The following OSBPL3 variants were observed in gnomAD, a reference collection of about 807,000 sequenced individuals.
The protein encoded by OSBPL3 is oxysterol binding protein like 3.
A neutral mutation model predicts 120.1 loss-of-function variants in OSBPL3; 65 were observed. That is an observed-to-expected ratio of 0.54 (90% CI 0.44 to 0.67). The LOEUF is 0.67. Ranked by LOEUF, OSBPL3 falls within the 30% of genes least tolerant of loss-of-function variation. OSBPL3 has a pLI of 0.00. For missense variants in OSBPL3, 1,004 were observed against 1,082.1 expected, an observed-to-expected ratio of 0.93 and a Z score of 1.01; for synonymous variants, 416 against 402.6, an observed-to-expected ratio of 1.03 and a Z score of -0.40.
In OSBPL3 at chr7:24,817,581, G is replaced by A. The variant is rs1463250796; in HGVS notation, c.1949-893C>T. Among the ~76,000 whole-genome samples the A allele has an allele frequency of 6.6e-6, 1 of 152,168 alleles. No homozygotes were observed. The highest frequency in any genetic ancestry group is 1.5e-5 in the Non-Finnish European group (1 of 68,020). On this transcript the variant is annotated intron_variant, in intron 17 of 22. Coordinates refer to ENST00000313367, the MANE Select transcript of OSBPL3 (RefSeq NM_015550.4). This position sits in a 1 kb window ranked among gnomAD's most constrained non-coding sequence, Gnocchi z 4.0. The stretch of plus-strand genomic sequence containing the variant: ...GCTAAGAGTCTGGTTTGTGTGCACT[G>A]AGTGGAAATAATCAGGCCACTGATG...
In OSBPL3 at chr7:24,936,449, C is replaced by A. The variant is rs1036794292; in HGVS notation, c.-150+43437G>T. Among the ~76,000 whole-genome samples the A allele has an allele frequency of 1.3e-5, 2 of 152,206 alleles. No individual in the cohort carries two copies. The highest frequency in any genetic ancestry group is 4.8e-5 in the African/African-American group (2 of 41,450). ...ACAAGGTCAAAACTGCAATGCAATA[C>A]AATGGGCCAAGTTCTTAACACCACC... On this transcript the variant is annotated intron_variant, in intron 1 of 22. Transcript: ENST00000313367. This position sits in a 1 kb window ranked among gnomAD's most constrained non-coding sequence, Gnocchi z 4.2.
chr7:24,848,734 G>A (rs1584361500), intron 12 of OSBPL3, among the ~76,000 whole-genome samples: 1 of 152,024 alleles, frequency 6.6e-6, no homozygotes, highest in African/African-American at 2.4e-5. Context: ...GGTTTCTTCA[G>A]TAGTAACAAG....
Position 24,872,020 on chromosome 7 carries a change from TG to T in OSBPL3, c.145del (p.Gln49ArgfsTer11). 6.2e-7 allele frequency: 1 copy of T among 1,614,096 alleles called. No individual in the cohort carries two copies. The highest frequency in any genetic ancestry group is 8.5e-7 in the Non-Finnish European group (1 of 1,179,960). Reference sequence around the variant, plus strand: ...AAATCCTTTCTGAACTGGTGGCTCCTGGGTGTAATTCATCTCCCCCCTCAGT... The same window carrying T: ...AAATCCTTTCTGAACTGGTGGCTCCTGGTGTAATTCATCTCCCCCCTCAGT... Reference protein sequence around the residue: ...EGLRGEMNYTQEPPVQKGFLL... With the variant: ...EGLRGEMNYTXEPPVQKGFLL... On this transcript the variant is annotated frameshift_variant, in exon 3 of 23. Transcript: ENST00000313367. LOFTEE classifies it high-confidence loss of function. This position sits in a 1 kb window ranked among gnomAD's most constrained non-coding sequence, Gnocchi z 4.1.
chr7:24,917,427 T>TA (rs1562924912), intron 1 of OSBPL3, among the ~76,000 whole-genome samples: 6,211 of 130,820 alleles, frequency 0.047, 301 homozygotes, highest in South Asian at 0.1. Flanking sequence ...TATATATATA[T>TA]TTGTAACATA....
rs905210707 is a variant in OSBPL3, at chr7:24,883,887, T to C, written c.96+8490A>G. 6.6e-6 allele frequency among the ~76,000 whole-genome samples: 1 copy of C among 152,284 alleles called. No individual in the cohort carries two copies. The highest frequency in any genetic ancestry group is 6.5e-5 in the Admixed American group (1 of 15,300). On this transcript the variant is annotated intron_variant, in intron 2 of 22. Coordinates refer to ENST00000313367, the MANE Select transcript of OSBPL3 (RefSeq NM_015550.4). The surrounding 1 kb of genome is among the most constrained non-coding windows in gnomAD (Gnocchi z 5.4). Reference sequence around the variant, plus strand: ...ATAAGACTTACTCAGAGTGGAAATATATTGAGAGCTCAGTCTTATTTCTTC... The same window carrying C: ...ATAAGACTTACTCAGAGTGGAAATACATTGAGAGCTCAGTCTTATTTCTTC...
chr7:24,951,526 G>T (rs749715679), intron 1 of OSBPL3, among the ~76,000 whole-genome samples: 2 of 152,056 alleles, frequency 1.3e-5, no homozygotes, highest in South Asian at 4.2e-4. Context: ...AAAGAAATCT[G>T]GTTTACAAAA....
chr7:24,874,246 G>A lies in OSBPL3; in HGVS notation c.97-2177C>T, dbSNP rs555162203. ...ACCCACAATTGTGAAAGAAGAGGGT[G>A]TGGGTATCGTCATTGTTAAATAAAA... On this transcript the variant is annotated intron_variant, in intron 2 of 22. Coordinates refer to ENST00000313367, the MANE Select transcript of OSBPL3 (RefSeq NM_015550.4). 3.8e-4 allele frequency among the ~76,000 whole-genome samples: 58 copies of A among 152,340 alleles called. 1 individual carries two copies. The highest frequency in any genetic ancestry group is 3.4e-4 in the Non-Finnish European group (23 of 68,028).
chr7:24,805,336 T>C lies in OSBPL3; in HGVS notation c.2445-899A>G, dbSNP rs1291204325. Among the ~76,000 whole-genome samples the C allele has an allele frequency of 6.6e-6, 1 of 152,230 alleles. No individual in the cohort carries two copies. Among genetic ancestry groups the C allele is most frequent in the African/African-American group, 2.4e-5 (1 of 41,464 alleles). On this transcript the variant is annotated intron_variant, in intron 21 of 22. Coordinates refer to ENST00000313367, the MANE Select transcript of OSBPL3 (RefSeq NM_015550.4). This position sits in a 1 kb window ranked among gnomAD's most constrained non-coding sequence, Gnocchi z 4.0. The stretch of plus-strand genomic sequence containing the variant: ...GCATTTTTCTTATTATGATTAAGGC[T>C]GAGCATCTTTTCACATGCTTAAGGG...
intron 12 of OSBPL3, among the ~76,000 whole-genome samples, chr7:24,845,660 A>AG (rs1798361368): frequency 1.3e-5 from 2 of 151,514 alleles, no homozygotes; most frequent in African/African-American, 4.8e-5. Flanking sequence ...TTTTCCTAAA[A>AG]AAAAAAAAAA....
chr7:24,872,448 A>AGAGTGTGTGTGT lies in OSBPL3; in HGVS notation c.97-380_97-379insACACACACACTC, dbSNP rs912921078. Among the ~76,000 whole-genome samples the AGAGTGTGTGTGT allele has an allele frequency of 2.1e-5, 3 of 144,986 alleles. No homozygotes were observed. The highest frequency in any genetic ancestry group is 2.0e-4 in the East Asian group (1 of 5,066). ...TCAGTCTGAATTTTAACCGAAAGAG[A>AGAGTGTGTGTGT]GTGTGTGTGTGTGTGTGTGTGTGTG... On this transcript the variant is annotated intron_variant, in intron 2 of 22. Coordinates refer to ENST00000313367, the MANE Select transcript of OSBPL3 (RefSeq NM_015550.4). The surrounding 1 kb of genome is among the most constrained non-coding windows in gnomAD (Gnocchi z 4.1).
In OSBPL3 at chr7:24,870,731, C is replaced by G; in HGVS notation, c.381+1G>C. On this transcript the variant is annotated splice_donor_variant, in intron 5 of 22. Transcript: ENST00000313367. LOFTEE classifies it high-confidence loss of function. ...CTCTGCACAGTGGGAAGCAGCCTCA[C>G]CTTCAGATGGTAGATGTGCTCCTCG... 1 of 1,576,902 alleles carries G rather than the reference C, an allele frequency of 6.3e-7. No homozygotes were observed. Among genetic ancestry groups the G allele is most frequent in the Non-Finnish European group, 8.7e-7 (1 of 1,145,930 alleles).
At position 24,939,492 on chromosome 7, in the gene OSBPL3, G is replaced by A. The variant is rs1812829549; in HGVS notation, c.-150+40394C>T. Among the ~76,000 whole-genome samples, 2 of 152,140 alleles carry A rather than the reference G, an allele frequency of 1.3e-5. No individual in the cohort carries two copies. The highest frequency in any genetic ancestry group is 2.1e-4 in the South Asian group (1 of 4,822). ...CAATCCTGGCCAATGGAACTCTAGG[G>A]AAAGTTTGGGAAACAAAAAGTTAAC... On this transcript the variant is annotated intron_variant, in intron 1 of 22. Coordinates refer to ENST00000313367, the MANE Select transcript of OSBPL3 (RefSeq NM_015550.4). The surrounding 1 kb of genome is among the most constrained non-coding windows in gnomAD (Gnocchi z 4.2).
intron 11 of OSBPL3, among the ~76,000 whole-genome samples, chr7:24,850,247 A>G (rs536851340): frequency 7.9e-5 from 12 of 152,236 alleles, no homozygotes; most frequent in African/African-American, 2.9e-4. Context: ...AACTAGGAGG[A>G]AAGTGGCTGA....
At chr7:24,885,951 T>A (rs55762207) in intron 2 of OSBPL3, among the ~76,000 whole-genome samples, 5,340 of 152,238 alleles carry the variant, frequency 0.035, 120 homozygotes, top group Non-Finnish European at 0.054. Flanking sequence ...AAGGGGGCAG[T>A]GGGAAAAAGA....
At chr7:24,927,863 T>C (rs1226897434) in intron 1 of OSBPL3, among the ~76,000 whole-genome samples, 2 of 152,208 alleles carry the variant, frequency 1.3e-5, no homozygotes, top group Non-Finnish European at 2.9e-5. Context: ...AGGTATAATT[T>C]ATATCCAATA....
chr7:24,978,997 A>G (rs894370207), intron 1 of OSBPL3, among the ~76,000 whole-genome samples: 2 of 152,216 alleles, frequency 1.3e-5, no homozygotes, highest in Non-Finnish European at 2.9e-5. Context: ...AGTGCCCATC[A>G]GCGACTCCAG....
Position 24,959,838 on chromosome 7 carries a change from A to C in OSBPL3, c.-150+20048T>G, listed in dbSNP as rs952699716. On this transcript the variant is annotated intron_variant, in intron 1 of 22. Coordinates refer to ENST00000313367, the MANE Select transcript of OSBPL3 (RefSeq NM_015550.4). The surrounding 1 kb of genome is among the most constrained non-coding windows in gnomAD (Gnocchi z 4.3). Reference sequence around the variant, plus strand: ...CAGCTGACCTGGACTGGTTTGACCAAAGAGCCTACCACTGAAAACCGAACT... The same window carrying C: ...CAGCTGACCTGGACTGGTTTGACCACAGAGCCTACCACTGAAAACCGAACT... Among the ~76,000 whole-genome samples, 8 of 152,148 alleles carry C rather than the reference A, an allele frequency of 5.3e-5. No individual in the cohort carries two copies. The highest frequency in any genetic ancestry group is 1.9e-4 in the African/African-American group (8 of 41,426).
rs369784211 is a variant in OSBPL3, at chr7:24,835,069, C to T, written c.1496-333G>A. Among the ~76,000 whole-genome samples, 15 of 152,224 alleles carry T rather than the reference C, an allele frequency of 9.9e-5. No homozygotes were observed. In the East Asian group the frequency reaches 2.5e-3, roughly 25 times the overall value. Reference sequence around the variant, plus strand: ...CTTATTGTTTATAAAAACTTGTAAACTTTTTAAAAAATCACTTTAAATTCT... The same window carrying T: ...CTTATTGTTTATAAAAACTTGTAAATTTTTTAAAAAATCACTTTAAATTCT... On this transcript the variant is annotated intron_variant, in intron 14 of 22. Coordinates refer to ENST00000313367, the MANE Select transcript of OSBPL3 (RefSeq NM_015550.4). This position sits in a 1 kb window ranked among gnomAD's most constrained non-coding sequence, Gnocchi z 4.8.
At chr7:24,902,627 A>G (rs1807207338) in intron 1 of OSBPL3, among the ~76,000 whole-genome samples, 1 of 151,762 alleles carries the variant, frequency 6.6e-6, no homozygotes, top group Non-Finnish European at 1.5e-5. Context: ...TGCTATTCAA[A>G]ACGGCCACAC....
Sources: allele counts gnomAD v4.1 joint callset (sites outside exome capture counted in the v4.1 genomes callset), GRCh38; gene constraint gnomAD v4.1.1; non-coding constraint Gnocchi (gnomAD v3.1); transcripts MANE v1.5; gene names NCBI Gene and HGNC (gene_info 2026-07-23, HGNC 2026-07-21).